DNAJB6: variants seen among roughly 807,000 people sequenced by gnomAD.
DNAJB6 encodes dnaJ homolog subfamily B member 6.
A neutral mutation model predicts 42.7 loss-of-function variants in DNAJB6; 16 were observed. The observed-to-expected ratio is 0.37, with a 90% confidence interval of 0.25 to 0.57. DNAJB6 has a LOEUF of 0.57. DNAJB6 is among the 20% of genes least tolerant of loss of function. The probability of loss-of-function intolerance (pLI) is 0.74; values close to 1 mark genes in which losing one functional copy is unlikely to be tolerated. For synonymous variants in DNAJB6, 170 were observed against 163.5 expected (o/e 1.04, Z -0.30); for missense variants, 347 against 416.8 (o/e 0.83, Z 1.46).
In DNAJB6 at chr7:157,409,915, A is replaced by G. The variant is rs1176032069; in HGVS notation, c.812A>G (p.His271Arg). The stretch of plus-strand genomic sequence containing the variant: ...CCCCGGCCTGCCTCGCTGCTGAGAC[A>G]CGCGCCTCACTGTCTCTCTGAGGAG... ...KPPRPASLLRHAPHCLSEEEG... is the reference protein window; with the variant it reads ...KPPRPASLLRRAPHCLSEEEG... The change falls in exon 9 of 10, where the codon CAC becomes CGC. Residue 271 changes from histidine (H) to arginine (R), a missense_variant. Physicochemically the swap from His to Arg is conservative, Grantham distance 29. This residue lies in a region of DNAJB6 where 264 missense variants were observed against 288.0 expected (regional missense o/e 0.92). Coordinates refer to ENST00000262177, the MANE Select transcript of DNAJB6 (RefSeq NM_058246.4). 6.5e-7 allele frequency: 1 copy of G among 1,535,432 alleles called. No individual in the cohort carries two copies. Among genetic ancestry groups the G allele is most frequent in the Non-Finnish European group, 8.7e-7 (1 of 1,145,890 alleles).
intron 8 of DNAJB6, chr7:157,386,186 A>G (rs1024589081): frequency 3.5e-5 from 34 of 972,436 alleles, no homozygotes; most frequent in African/African-American, 1.9e-4. Flanking sequence ...AGTTTTGACA[A>G]TTGTTTAAAT....
chr7:157,406,246 G>A (rs1370628809), intron 8 of DNAJB6, among the ~76,000 whole-genome samples: 4 of 152,260 alleles, frequency 2.6e-5, no homozygotes, highest in Non-Finnish European at 4.4e-5. Flanking sequence ...TGGAGCAGCA[G>A]CACGCTGCGT....
At chr7:157,359,740 G>GC in intron 2 of DNAJB6, among the ~76,000 whole-genome samples, 1 of 152,320 alleles carries the variant, frequency 6.6e-6, no homozygotes, top group South Asian at 2.1e-4. Flanking sequence ...AATTGCTTGA[G>GC]CCCAGGAGGT....
Position 157,340,998 on chromosome 7 carries a change from G to GTGTGTGCGCGCGCGCGCGCGCT in DNAJB6, c.-27+3854_-27+3855insTGTGTGCGCGCGCGCGCGCGCT, listed in dbSNP as rs67210462. On this transcript the variant is annotated intron_variant, in intron 1 of 9. Transcript: ENST00000262177. ...TGTGTGTGTGTGTGTGTGTGTGTGTGCGCGCGCGCAGGTGGAATCACCCTG... is the reference window on the plus strand; with the variant it reads ...TGTGTGTGTGTGTGTGTGTGTGTGTGTGTGTGCGCGCGCGCGCGCGCTCGCGCGCGCAGGTGGAATCACCCTG... Among the ~76,000 whole-genome samples, 454 of 134,976 alleles carry GTGTGTGCGCGCGCGCGCGCGCT rather than the reference G, an allele frequency of 3.4e-3. 2 individuals are homozygous for GTGTGTGCGCGCGCGCGCGCGCT. The highest frequency in any genetic ancestry group is 4.7e-3 in the African/African-American group (148 of 31,416). 88.5% of individuals were successfully genotyped at this position (134,976 alleles called of 152,430 possible).
rs756835884 is a variant in DNAJB6 at position 157,354,366 on chromosome 7, C to T, written c.-26-4181C>T. ...TGCTCCATGTTGATCAGGCTGGTCT[C>T]GAACTCCCGACCTCAGGTGATCCAC... is the stretch of plus-strand genomic sequence containing the variant. On this transcript the variant is annotated intron_variant, in intron 1 of 9. Transcript: ENST00000262177. Among the ~76,000 whole-genome samples, 18 of 151,816 alleles carry T rather than the reference C, an allele frequency of 1.2e-4. 1 individual carries two copies. The highest frequency in any genetic ancestry group is 2.1e-4 in the South Asian group (1 of 4,804).
intron 1 of DNAJB6, among the ~76,000 whole-genome samples, chr7:157,351,928 G>A (rs115134202): frequency 0.011 from 1,676 of 152,290 alleles, 31 homozygotes; most frequent in East Asian, 0.059. Context: ...GGGAGGTGGG[G>A]AGGTTTCAGT....
intron 8 of DNAJB6, among the ~76,000 whole-genome samples, chr7:157,395,724 G>A (rs1801553754): frequency 1.5e-5 from 2 of 131,604 alleles, no homozygotes; most frequent in Non-Finnish European, 3.1e-5. Context: ...ATGCTCTGTC[G>A]CCCAGGCTGG....
At chr7:157,354,822 G>A (rs1248582530) in intron 1 of DNAJB6, among the ~76,000 whole-genome samples, 5 of 152,212 alleles carry the variant, frequency 3.3e-5, no homozygotes, top group Non-Finnish European at 5.9e-5. Context: ...TGTGCTGAGT[G>A]TAGTGACGTT....
At chr7:157,402,909 G>C (rs1795586463) in intron 8 of DNAJB6, among the ~76,000 whole-genome samples, 1 of 152,198 alleles carries the variant, frequency 6.6e-6, no homozygotes, top group Admixed American at 6.5e-5. Flanking sequence ...TTCGTACTGT[G>C]AACCAGGAGT....
At chr7:157,369,031 T>G in intron 5 of DNAJB6, 1 of 359,640 alleles carries the variant, frequency 2.8e-6, no homozygotes. Flanking sequence ...TATTATGGGC[T>G]GGCTGGCTTG....
chr7:157,383,975 A>G (rs1038391923), intron 6 of DNAJB6, among the ~76,000 whole-genome samples: 4 of 152,240 alleles, frequency 2.6e-5, no homozygotes, highest in African/African-American at 9.6e-5. Flanking sequence ...TAGAAAAGGT[A>G]AACTTAACAT....
At chr7:157,389,715 G>T (rs1048637907) in intron 8 of DNAJB6, among the ~76,000 whole-genome samples, 3 of 152,202 alleles carry the variant, frequency 2.0e-5, no homozygotes, top group Admixed American at 1.3e-4. Flanking sequence ...TTAAAAAGGT[G>T]AAAAGAGGGA....
chr7:157,409,449 C>G (rs1795891715), intron 8 of DNAJB6, among the ~76,000 whole-genome samples: 1 of 152,242 alleles, frequency 6.6e-6, no homozygotes, highest in Non-Finnish European at 1.5e-5. Flanking sequence ...GCTCAGCTGG[C>G]TGGTTTTGAC....
chr7:157,378,991 C>T (rs1800614856), intron 5 of DNAJB6: 1 of 151,820 alleles, frequency 6.6e-6, no homozygotes, highest in African/African-American at 2.4e-5. Context: ...TGAAATTATA[C>T]GAGTTAAAAT....
In DNAJB6 at chr7:157,347,008, A is replaced by G. The variant is rs560674501; in HGVS notation, c.-27+9864A>G. Among the ~76,000 whole-genome samples, 21 of 152,284 alleles carry G rather than the reference A, an allele frequency of 1.4e-4. No homozygotes were observed. In the South Asian group the frequency reaches 4.1e-3, roughly 30 times the overall value. The stretch of plus-strand genomic sequence containing the variant: ...GTAGCTGAGACTACAGGCGCCCGCC[A>G]CCACGCCCGGCTAATTTTTTCTATT... On this transcript the variant is annotated intron_variant, in intron 1 of 9. Transcript: ENST00000262177.
chr7:157,388,277 C>T (rs754395374), intron 8 of DNAJB6, among the ~76,000 whole-genome samples: 5 of 152,166 alleles, frequency 3.3e-5, no homozygotes, highest in Non-Finnish European at 7.3e-5. Context: ...AAGTTTATTC[C>T]TAGAGAATTC....
chr7:157,370,837 T>G (rs985040856), intron 5 of DNAJB6: 1 of 152,646 alleles, frequency 6.6e-6, no homozygotes, highest in Non-Finnish European at 1.5e-5. Context: ...ATGGCTGCTA[T>G]ATGTATGTAG....
chr7:157,387,791 G>T (rs1341048829), intron 8 of DNAJB6, among the ~76,000 whole-genome samples: 3 of 143,576 alleles, frequency 2.1e-5, no homozygotes, highest in Non-Finnish European at 4.4e-5. Context: ...ATTTTTTTTT[G>T]AGGAGGAGGG....
At chr7:157,374,625 T>C (rs1388638333) in intron 5 of DNAJB6, among the ~76,000 whole-genome samples, 3 of 152,196 alleles carry the variant, frequency 2.0e-5, no homozygotes, top group Non-Finnish European at 2.9e-5. Flanking sequence ...CTGCGATTCT[T>C]TTGTGCTGTT....
Sources: gnomAD v4.1 joint callset for allele counts (sites outside exome capture counted in the v4.1 genomes callset) on GRCh38, gnomAD v4.1.1 for gene constraint, gnomAD v4.1.1 regional missense constraint, MANE v1.5 for transcripts, NCBI Gene and HGNC (gene_info 2026-07-23, HGNC 2026-07-21) for gene names.